The following PRMT2 variants were observed in gnomAD, a reference collection of about 807,000 sequenced individuals.
PRMT2 encodes the protein protein arginine N-methyltransferase 2.
PRMT2 carries 26 observed loss-of-function variants against 57.6 expected under a neutral mutation model. That is an observed-to-expected ratio of 0.45 (90% CI 0.33 to 0.63). The LOEUF is 0.63. Ranked by LOEUF, PRMT2 falls within the 20% of genes least tolerant of loss-of-function variation. The pLI, the probability that PRMT2 is intolerant of heterozygous loss-of-function variation, is 0.02. For synonymous variants in PRMT2, 219 were observed against 220.0 expected, an observed-to-expected ratio of 1.00 and a Z score of 0.04; for missense variants, 472 against 564.4, an observed-to-expected ratio of 0.84 and a Z score of 1.66.
At chr21:46,650,235 A>C (rs975248000) in intron 7 of PRMT2, among the ~76,000 whole-genome samples, 1 of 151,956 alleles carries the variant, frequency 6.6e-6, no homozygotes, top group Non-Finnish European at 1.5e-5. Flanking sequence ...TGCCCTGCAC[A>C]AACGCTGTCT....
intron 10 of PRMT2, 81 bp from the exon 11 acceptor site, chr21:46,663,292 AGAGCCAGTGC>A: frequency 3.0e-6 from 4 of 1,330,304 alleles, no homozygotes; most frequent in Non-Finnish European, 4.1e-6. Context: ...GTTGGGGGCG[AGAGCCAGTGC>A]GAGCCTGAGT....
At chr21:46,645,615 T>TA (rs2061352927) in intron 5 of PRMT2, among the ~76,000 whole-genome samples, 1 of 152,124 alleles carries the variant, frequency 6.6e-6, no homozygotes, top group African/African-American at 2.4e-5. Flanking sequence ...ATGAATGTTA[T>TA]AAAAATGATG....
chr21:46,649,318 G>A lies in PRMT2; in HGVS notation c.490-257G>A, dbSNP rs994313994. 1.4e-4 allele frequency among the ~76,000 whole-genome samples: 21 copies of A among 152,338 alleles called. No homozygotes were observed. Among genetic ancestry groups the A allele is most frequent in the African/African-American group, 5.1e-4 (21 of 41,580 alleles). ...CGTGTGGCAGCCGGCTCGGGCATGC[G>A]AGTCTTCCATCCACTTGCAGCCCTG... On this transcript the variant is annotated intron_variant, in intron 6 of 11. Transcript: ENST00000355680. The surrounding 1 kb of genome is among the most constrained non-coding windows in gnomAD (Gnocchi z 4.8).
intron 5 of PRMT2, among the ~76,000 whole-genome samples, chr21:46,647,505 T>G (rs372647228): frequency 1.1e-4 from 16 of 152,194 alleles, no homozygotes; most frequent in South Asian, 4.1e-4. Flanking sequence ...TTTTTGTTTT[T>G]TATGTTTTTT....
rs1435245959 is a variant in PRMT2, at chr21:46,660,878, C to T, written c.876C>T (p.His292=). The change falls in exon 9 of 12, where the codon CAC becomes CAT. Residue 292 remains histidine (H), a synonymous_variant. Transcript: ENST00000355680. ...TTTTTTCAAAGCCCAAGTATAACCA[C>T]ATTTTGAAACCAGAAGACTGTCTCT... ...KEFFSKPKYN[H]ILKPEDCLSE... The T allele has an allele frequency of 6.2e-7, 1 of 1,613,558 alleles. No homozygotes were observed. The highest frequency in any genetic ancestry group is 1.3e-5 in the African/African-American group (1 of 74,914).
In PRMT2 at chr21:46,649,104, G is replaced by C. The variant is rs1601933537; in HGVS notation, c.490-471G>C. ...GACTCCTTACACAGTGGGTGGGGTC[G>C]CAGCACAGTGTCCACCCAAGTCCAG... On this transcript the variant is annotated intron_variant, in intron 6 of 11. Coordinates refer to ENST00000355680, the MANE Select transcript of PRMT2 (RefSeq NM_206962.4). The surrounding 1 kb of genome is among the most constrained non-coding windows in gnomAD (Gnocchi z 4.8). Among the ~76,000 whole-genome samples the C allele has an allele frequency of 6.6e-6, 1 of 152,090 alleles. No homozygotes were observed. The highest frequency in any genetic ancestry group is 1.5e-5 in the Non-Finnish European group (1 of 68,022).
intron 8 of PRMT2, among the ~76,000 whole-genome samples, chr21:46,660,598 A>G (rs1453239481): frequency 6.6e-6 from 1 of 152,178 alleles, no homozygotes; most frequent in African/African-American, 2.4e-5. Flanking sequence ...TAATGCCTCC[A>G]GGTCAGGCTC....
At position 46,643,500 on chromosome 21, in the gene PRMT2, C is replaced by T. The variant is rs776584693; in HGVS notation, c.40-35C>T. On this transcript the variant is annotated intron_variant, in intron 3 of 11. Coordinates refer to ENST00000355680, the MANE Select transcript of PRMT2 (RefSeq NM_206962.4). ...CAAAAAAAAAAAAAAAAAGCTCCAG[C>T]GTCCTCTCCTCACGCTTTCCTTGGC... 4.9e-6 allele frequency: 7 copies of T among 1,420,434 alleles called. No individual in the cohort carries two copies. The African/African-American group carries it at 7.5e-5, about 15-fold the overall frequency. The allele number at this position is 1,420,434 out of a possible 1,614,324, so 88.0% of individuals were successfully genotyped here. A position where few individuals can be genotyped will look rare whatever the true frequency, so the allele number is the denominator to read the frequency against.
In PRMT2 at chr21:46,661,027, G is replaced by A. The variant is rs865902785; in HGVS notation, c.960+65G>A. On this transcript the variant is annotated intron_variant, in intron 9 of 11. Transcript: ENST00000355680. ...GTGACCACGAAACACTCAGACCAGA[G>A]CCTGGCTTATCAAAAACCTTCAGTG... The A allele has an allele frequency of 6.6e-6, 10 of 1,512,380 alleles. No homozygotes were observed. In the Middle Eastern group the frequency reaches 1.4e-3, roughly 210 times the overall value. 93.7% of individuals were successfully genotyped at this position (1,512,380 alleles called of 1,614,324 possible).
intron 3 of PRMT2, 25 bp from the exon 4 acceptor site, chr21:46,643,510 T>C (rs1601921720): frequency 6.8e-7 from 1 of 1,481,156 alleles, no homozygotes; most frequent in Non-Finnish European, 8.9e-7. Context: ...CGTCCTCTCC[T>C]CACGCTTTCC....
rs936924653 is a variant in PRMT2 at position 46,661,032 on chromosome 21, G to A, written c.960+70G>A. ...CACGAAACACTCAGACCAGAGCCTG[G>A]CTTATCAAAAACCTTCAGTGAGTGC... is the stretch of plus-strand genomic sequence containing the variant. On this transcript the variant is annotated intron_variant, in intron 9 of 11. Coordinates refer to ENST00000355680, the MANE Select transcript of PRMT2 (RefSeq NM_206962.4). The A allele has an allele frequency of 1.1e-5, 17 of 1,495,702 alleles. No individual in the cohort carries two copies. The East Asian group carries it at 1.6e-4, about 14-fold the overall frequency. The allele number at this position is 1,495,702 out of a possible 1,614,324, so 92.7% of individuals were successfully genotyped here. A position where few individuals can be genotyped will look rare whatever the true frequency, so the allele number is the denominator to read the frequency against.
intron 3 of PRMT2, among the ~76,000 whole-genome samples, chr21:46,640,506 A>G (rs1411121335): frequency 7.1e-6 from 1 of 140,374 alleles, no homozygotes; most frequent in Admixed American, 7.6e-5. Flanking sequence ...CAGTGATGCG[A>G]TCTCGGCTCA....
At chr21:46,663,355 C>A (rs1337809564) in intron 10 of PRMT2, 28 bp from the exon 11 acceptor site, 2 of 1,593,046 alleles carry the variant, frequency 1.3e-6, no homozygotes. Flanking sequence ...AGCTCAGCCT[C>A]CAGGTCACAC....
At chr21:46,662,193 C>T (rs1336114980) in intron 10 of PRMT2, among the ~76,000 whole-genome samples, 1 of 152,188 alleles carries the variant, frequency 6.6e-6, no homozygotes, top group Non-Finnish European at 1.5e-5. Flanking sequence ...ACAACAGCCC[C>T]AACGGGAGGA....
intron 3 of PRMT2, among the ~76,000 whole-genome samples, chr21:46,637,290 C>T (rs1410093597): frequency 1.3e-5 from 2 of 152,102 alleles, no homozygotes; most frequent in African/African-American, 2.4e-5. Flanking sequence ...CTGAGCTGTT[C>T]AATAAAATTT....
At chr21:46,650,818 G>A (rs990418517) in intron 7 of PRMT2, among the ~76,000 whole-genome samples, 5 of 152,208 alleles carry the variant, frequency 3.3e-5, no homozygotes, top group Non-Finnish European at 5.9e-5. Context: ...GGGACGTGGG[G>A]CAGAGGGAGG....
intron 7 of PRMT2, among the ~76,000 whole-genome samples, chr21:46,650,170 A>T (rs1026300884): frequency 5.3e-5 from 8 of 152,076 alleles, no homozygotes; most frequent in Non-Finnish European, 1.2e-4. Flanking sequence ...AGGGTTGCTC[A>T]CCCTGAGTTT....
chr21:46,650,462 G>T (rs2148985013), intron 7 of PRMT2, among the ~76,000 whole-genome samples: 1 of 152,270 alleles, frequency 6.6e-6, no homozygotes, highest in East Asian at 1.9e-4. Context: ...AGATGGCATT[G>T]GGCTTTTAGT....
rs1296294670 is a variant in PRMT2, at chr21:46,643,539, A to G, written c.44A>G (p.Glu15Gly). 6.3e-7 allele frequency: 1 copy of G among 1,579,592 alleles called. No homozygotes were observed. Among genetic ancestry groups the G allele is most frequent in the Admixed American group, 1.9e-5 (1 of 52,874 alleles). ...GDCPRSESQG[E>G]EPAECSEAGL... is the part of the protein sequence containing the mutation. ...GCTTTCCTTGGCTTTGAGCAGGGAG[A>G]AGAGCCTGCTGAGTGCAGTGAGGCC... The change falls in exon 4 of 12, where the codon GAA becomes GGA. Residue 15 changes from glutamate to glycine, a missense_variant. Physicochemically the swap from Glu to Gly is moderately conservative, Grantham distance 98. Coordinates refer to ENST00000355680, the MANE Select transcript of PRMT2 (RefSeq NM_206962.4).
Sources: gnomAD v4.1 joint callset for allele counts (sites outside exome capture counted in the v4.1 genomes callset) on GRCh38, gnomAD v4.1.1 for gene constraint, Gnocchi (gnomAD v3.1) non-coding constraint, MANE v1.5 for transcripts, NCBI Gene and HGNC (gene_info 2026-07-23, HGNC 2026-07-21) for gene names.